Variants in UMODL1 observed in about 807,000 individuals in gnomAD.
UMODL1 encodes uromodulin-like 1.
In UMODL1, 128 loss-of-function variants were observed where a neutral mutation model predicts 136.3. The ratio of observed to expected loss-of-function variants is 0.94; its 90% CI spans 0.81 to 1.09. UMODL1 has a LOEUF of 1.09. UMODL1 is among the 50% of genes least tolerant of loss of function. UMODL1 has a pLI of 0.00. For missense variants in UMODL1, 1,766 were observed against 1,725.6 expected (o/e 1.02, Z -0.41); for synonymous variants, 721 against 720.0 (o/e 1.00, Z -0.02).
At chr21:42,136,718 T>TC (rs2067209155) in intron 21 of UMODL1, among the ~76,000 whole-genome samples, 1 of 131,120 alleles carries the variant, frequency 7.6e-6, no homozygotes, top group Non-Finnish European at 1.7e-5. Flanking sequence ...ACTCTGTTTT[T>TC]CTTTTTTTTT....
At chr21:42,125,354 A>G (rs953866395) in intron 17 of UMODL1, among the ~76,000 whole-genome samples, 2 of 152,080 alleles carry the variant, frequency 1.3e-5, no homozygotes, top group African/African-American at 4.8e-5. Flanking sequence ...GAGGGTGGCC[A>G]GGAAGCTGAG....
In UMODL1 at chr21:42,121,271, G is replaced by GT. The variant is rs369445535; in HGVS notation, c.2827+55dup. The stretch of plus-strand genomic sequence containing the variant: ...CTTCTGGAATACTGTATCATAATCG[G>GT]TTTTTTTTAAGGACATTCACGTGCA... On this transcript the variant is annotated intron_variant, in intron 16 of 22. Coordinates refer to ENST00000408910, the MANE Select transcript of UMODL1 (RefSeq NM_001004416.3). The GT allele has an allele frequency of 2.4e-4, 369 of 1,563,922 alleles. No individual in the cohort carries two copies. The African/African-American group carries it at 2.6e-3, about 11-fold the overall frequency.
chr21:42,109,214 T>C (rs547231750), intron 9 of UMODL1, among the ~76,000 whole-genome samples: 180 of 151,892 alleles, frequency 1.2e-3, no homozygotes, highest in African/African-American at 3.9e-3. Flanking sequence ...GTTGAGACAC[T>C]AAGTATTGGA....
chr21:42,101,644 G>C (rs2066634906), intron 7 of UMODL1: 3 of 441,374 alleles, frequency 6.8e-6, no homozygotes, highest in South Asian at 3.2e-5. Context: ...TTCCATCTTT[G>C]CTTATGCCCC....
intron 15 of UMODL1, 99 bp downstream of exon 15, chr21:42,119,423 C>G: frequency 8.6e-6 from 9 of 1,052,384 alleles, no homozygotes; most frequent in Non-Finnish European, 1.3e-5. Flanking sequence ...CGTGTTGTGC[C>G]CATGTGGTCC....
chr21:42,127,322 A>G (rs1033690447), intron 19 of UMODL1, 80 bp downstream of exon 19: 2 of 1,322,072 alleles, frequency 1.5e-6, no homozygotes, highest in African/African-American at 2.9e-5. Flanking sequence ...AAGAATGCAG[A>G]CATCCCCATC....
chr21:42,088,768 C>T (rs569635828), intron 5 of UMODL1, among the ~76,000 whole-genome samples: 35 of 152,116 alleles, frequency 2.3e-4, no homozygotes, highest in Non-Finnish European at 4.4e-4. Context: ...ATCCCTCTGG[C>T]CTCCTGCCCC....
chr21:42,137,396 C>T, intron 21 of UMODL1, 43 bp from the exon 22 acceptor site: 1 of 1,607,026 alleles, frequency 6.2e-7, no homozygotes, highest in Non-Finnish European at 8.5e-7. Context: ...CGCATTCCTC[C>T]CGTTTGTGCA....
intron 1 of UMODL1, among the ~76,000 whole-genome samples, chr21:42,071,911 G>A (rs1224736680): frequency 1.3e-5 from 2 of 149,708 alleles, no homozygotes; most frequent in African/African-American, 4.9e-5. Flanking sequence ...AGCCAGCCAT[G>A]GTGGTGCACA....
intron 6 of UMODL1, chr21:42,094,052 T>C (rs1456372246): frequency 2.4e-6 from 1 of 420,660 alleles, no homozygotes; most frequent in African/African-American, 2.1e-5. Flanking sequence ...ATTTTTACCC[T>C]GGTCAGTCAT....
intron 6 of UMODL1, 143 bp downstream of exon 6, chr21:42,090,581 G>T: frequency 9.0e-7 from 1 of 1,116,226 alleles, no homozygotes; most frequent in Non-Finnish European, 1.2e-6. Context: ...TATTATTTTC[G>T]CATCACTGTG....
At position 42,094,724 on chromosome 21, in the gene UMODL1, C is replaced by T. The variant is rs182907190; in HGVS notation, c.932-4202C>T. Among the ~76,000 whole-genome samples, 271 of 152,218 alleles carry T rather than the reference C, an allele frequency of 1.8e-3. 1 individual carries two copies. The highest frequency in any genetic ancestry group is 2.2e-3 in the Non-Finnish European group (151 of 68,008). On this transcript the variant is annotated intron_variant, in intron 6 of 22. Transcript: ENST00000408910. ...TTAAAATACCCCAAGGTCTGTCCAA[C>T]AAAAGAGAGATTGGCCTTAGCACGT...
chr21:42,134,146 C>T (rs983487740), intron 21 of UMODL1, among the ~76,000 whole-genome samples: 11 of 152,192 alleles, frequency 7.2e-5, no homozygotes, highest in Non-Finnish European at 1.5e-4. Flanking sequence ...GTCTCGATCT[C>T]CTGACCTCAT....
chr21:42,111,811 C>A, intron 12 of UMODL1, 101 bp downstream of exon 12: 1 of 1,208,950 alleles, frequency 8.3e-7, no homozygotes, highest in Non-Finnish European at 1.1e-6. Flanking sequence ...TCGCAGGCTG[C>A]TAGCAATGCT....
chr21:42,109,651 C>A lies in UMODL1; in HGVS notation c.1609C>A (p.Arg537Ser), dbSNP rs200506437. 1 of 1,609,106 alleles carries A rather than the reference C, an allele frequency of 6.2e-7. No homozygotes were observed. The highest frequency in any genetic ancestry group is 1.1e-5 in the South Asian group (1 of 91,062). Residue 537 changes from arginine to serine, a missense_variant, in exon 10 of 23, where the codon CGT (arginine) becomes AGT (serine). Coordinates refer to ENST00000408910, the MANE Select transcript of UMODL1 (RefSeq NM_001004416.3). The stretch of plus-strand genomic sequence containing the variant: ...GGAGGGCTCCTACACCTGCCAGTGC[C>A]GTACCACCAGGGACGCCACCCCCTC... ...NLEGSYTCQC[R>S]TTRDATPSRA... is the part of the protein sequence containing the mutation.
chr21:42,109,576 G>C lies in UMODL1; in HGVS notation c.1534G>C (p.Val512Leu). 1 of 1,611,652 alleles carries C rather than the reference G, an allele frequency of 6.2e-7. No individual in the cohort carries two copies. The highest frequency in any genetic ancestry group is 8.5e-7 in the Non-Finnish European group (1 of 1,180,024). ...CCCCCTGGCAGACTGGGACGAGTGT[G>C]TGGACAGCGCGGAACACGACTGCTC... ...GTRVQDWDEC[V>L]DSAEHDCSPA... Residue 512 changes from valine (V) to leucine (L), a missense_variant, in exon 10 of 23, where the codon GTG becomes CTG. Val to Leu is a conservative substitution (Grantham distance 32). Coordinates refer to ENST00000408910, the MANE Select transcript of UMODL1 (RefSeq NM_001004416.3).
At chr21:42,117,308 C>A (rs575789971) in intron 14 of UMODL1, among the ~76,000 whole-genome samples, 2 of 152,198 alleles carry the variant, frequency 1.3e-5, no homozygotes, top group African/African-American at 4.8e-5. Flanking sequence ...TGGGGCATAA[C>A]CCATGCAGTC....
Position 42,110,788 on chromosome 21 carries a change from C to T in UMODL1, c.1658-92C>T, listed in dbSNP as rs1388156963. The T allele has an allele frequency of 3.2e-6, 4 of 1,265,532 alleles. No homozygotes were observed. The African/African-American group carries it at 4.4e-5, about 14-fold the overall frequency. The allele number at this position is 1,265,532 out of a possible 1,614,324, so 78.4% of individuals were successfully genotyped here. On this transcript the variant is annotated intron_variant, in intron 10 of 22. Coordinates refer to ENST00000408910, the MANE Select transcript of UMODL1 (RefSeq NM_001004416.3). ...GCCAGGTCCACTCCGGGATGCAGAG[C>T]AGTCCTGCTGGACGGCCATGCTGCC... is the stretch of plus-strand genomic sequence containing the variant.
chr21:42,131,614 A>G (rs1283435799), intron 21 of UMODL1, among the ~76,000 whole-genome samples: 2 of 54,082 alleles, frequency 3.7e-5, no homozygotes, highest in African/African-American at 9.7e-5. Flanking sequence ...AAGCTGGGGA[A>G]CAGGAGGAGG....
Sources: gnomAD v4.1 joint callset for allele counts (sites outside exome capture counted in the v4.1 genomes callset) on GRCh38, gnomAD v4.1.1 for gene constraint, MANE v1.5 for transcripts, NCBI Gene and HGNC (gene_info 2026-07-23, HGNC 2026-07-21) for gene names.